DPYD: variants seen among roughly 807,000 people sequenced by gnomAD.
DPYD encodes the protein dihydropyrimidine dehydrogenase [NADP(+)].
DPYD carries 109 observed loss-of-function variants against 116.2 expected under a neutral mutation model. The observed-to-expected ratio is 0.94, with a 90% confidence interval of 0.80 to 1.10. DPYD has a LOEUF of 1.10. Among genes scored for constraint, DPYD ranks in the 50% least tolerant of loss-of-function variants. DPYD has a pLI of 0.00. For missense variants in DPYD, 1,302 were observed against 1,254.5 expected (o/e 1.04, Z -0.57); for synonymous variants, 440 against 432.0 (o/e 1.02, Z -0.23).
chr1:97,349,560 T>A (rs1158560636), intron 16 of DPYD, among the ~76,000 whole-genome samples: 1 of 152,098 alleles, frequency 6.6e-6, no homozygotes, highest in Non-Finnish European at 1.5e-5. Flanking sequence ...TGTGTTCTCA[T>A]TGTTCAATTC....
intron 12 of DPYD, among the ~76,000 whole-genome samples, chr1:97,529,910 TTTC>T (rs962585578): frequency 2.7e-5 from 4 of 150,856 alleles, no homozygotes; most frequent in Non-Finnish European, 4.4e-5. Context: ...CCTTCCTTCT[TTTC>T]TTTTCTTTCT....
chr1:97,087,463 G>C (rs1179875008), intron 21 of DPYD, among the ~76,000 whole-genome samples: 1 of 152,180 alleles, frequency 6.6e-6, no homozygotes, highest in African/African-American at 2.4e-5. Context: ...TGAAGTATTA[G>C]ATTGGCCGGC....
intron 8 of DPYD, among the ~76,000 whole-genome samples, chr1:97,669,333 T>C (rs1366542183): frequency 6.6e-6 from 1 of 152,188 alleles, no homozygotes; most frequent in African/African-American, 2.4e-5. Context: ...TTGTAATCAT[T>C]CTTGCAGTAT....
chr1:97,362,661 C>T (rs1196449882), intron 16 of DPYD, among the ~76,000 whole-genome samples: 1 of 152,082 alleles, frequency 6.6e-6, no homozygotes, highest in Non-Finnish European at 1.5e-5. Context: ...CATCTACAAC[C>T]ATCTGATCTT....
chr1:97,694,264 G>C (rs538330678), intron 6 of DPYD, among the ~76,000 whole-genome samples: 8 of 152,316 alleles, frequency 5.3e-5, no homozygotes, highest in Non-Finnish European at 1.2e-4. Flanking sequence ...AAGTAGGTAG[G>C]GGGTAGGTGG....
At position 97,206,145 on chromosome 1, in the gene DPYD, C is replaced by T. The variant is rs151039613; in HGVS notation, c.2443-12897G>A. ...GCTTCCATGTCTTCTCCAGACACTC[C>T]TCCAAGGGTCTTTCAGCCTAAAAAA... is the stretch of plus-strand genomic sequence containing the variant. On this transcript the variant is annotated intron_variant, in intron 19 of 22. Coordinates refer to ENST00000370192, the MANE Select transcript of DPYD (RefSeq NM_000110.4). Among the ~76,000 whole-genome samples, 224 of 151,862 alleles carry T rather than the reference C, an allele frequency of 1.5e-3. 1 individual carries two copies. Among genetic ancestry groups the T allele is most frequent in the African/African-American group, 5.0e-3 (208 of 41,434 alleles).
At chr1:97,197,472 T>C (rs895009515) in intron 19 of DPYD, among the ~76,000 whole-genome samples, 1 of 152,186 alleles carries the variant, frequency 6.6e-6, no homozygotes, top group Non-Finnish European at 1.5e-5. Flanking sequence ...GGGATTTTCA[T>C]GATTATTGTA....
intron 13 of DPYD, among the ~76,000 whole-genome samples, chr1:97,476,560 G>A (rs1677972567): frequency 6.6e-6 from 1 of 152,106 alleles, no homozygotes; most frequent in Non-Finnish European, 1.5e-5. Context: ...TTTGTGAACT[G>A]TTAGTAGAAT....
chr1:97,164,316 T>A (rs2101751847), intron 20 of DPYD, among the ~76,000 whole-genome samples: 1 of 152,152 alleles, frequency 6.6e-6, no homozygotes, highest in Non-Finnish European at 1.5e-5. Context: ...CCACAGCCAA[T>A]ATCATACTGA....
chr1:97,337,338 C>T (rs1324121637), intron 16 of DPYD, among the ~76,000 whole-genome samples: 3 of 152,160 alleles, frequency 2.0e-5, no homozygotes, highest in East Asian at 3.9e-4. Context: ...CGAGCAGAAA[C>T]AAATATTCCC....
At chr1:97,754,761 G>C (rs756089422) in intron 3 of DPYD, among the ~76,000 whole-genome samples, 5 of 152,184 alleles carry the variant, frequency 3.3e-5, no homozygotes, top group African/African-American at 4.8e-5. Context: ...CTCAGATTAT[G>C]TACAGGTGGG....
At chr1:97,725,218 A>T (rs1663177782) in intron 4 of DPYD, among the ~76,000 whole-genome samples, 1 of 151,674 alleles carries the variant, frequency 6.6e-6, no homozygotes, top group African/African-American at 2.4e-5. Context: ...CAAACAAAAT[A>T]AATTATTCAG....
chr1:97,586,826 G>A (rs1334199113), intron 10 of DPYD, among the ~76,000 whole-genome samples: 1 of 151,466 alleles, frequency 6.6e-6, no homozygotes, highest in Non-Finnish European at 1.5e-5. Flanking sequence ...TCACCAATTG[G>A]CTGGGGATAC....
At chr1:97,307,806 C>T (rs1667261253) in intron 16 of DPYD, among the ~76,000 whole-genome samples, 1 of 151,918 alleles carries the variant, frequency 6.6e-6, no homozygotes, top group South Asian at 2.1e-4. Flanking sequence ...TTTATAACCA[C>T]TGCATTGGTA....
intron 13 of DPYD, among the ~76,000 whole-genome samples, chr1:97,499,210 T>C (rs1679440477): frequency 6.6e-6 from 1 of 151,732 alleles, no homozygotes; most frequent in Non-Finnish European, 1.5e-5. Flanking sequence ...TTTCTGTTTG[T>C]TTAGCCTTGT....
chr1:97,914,326 GA>G (rs1010301743), intron 1 of DPYD, among the ~76,000 whole-genome samples: 1 of 151,936 alleles, frequency 6.6e-6, no homozygotes, highest in Non-Finnish European at 1.5e-5. Context: ...TAAAAGTTTA[GA>G]AAAAAATTGT....
At chr1:97,218,437 C>T (rs1366748814) in intron 19 of DPYD, among the ~76,000 whole-genome samples, 1 of 151,938 alleles carries the variant, frequency 6.6e-6, no homozygotes, top group East Asian at 1.9e-4. Context: ...ATAAGAGCTA[C>T]CCATCCGCCT....
chr1:97,635,283 A>G (rs1486779864), intron 8 of DPYD, among the ~76,000 whole-genome samples: 1 of 152,080 alleles, frequency 6.6e-6, no homozygotes, highest in Non-Finnish European at 1.5e-5. Flanking sequence ...TGGGAATTCC[A>G]TTCCCAAAAG....
chr1:97,142,430 C>T (rs1054621744), intron 20 of DPYD, among the ~76,000 whole-genome samples: 3 of 151,976 alleles, frequency 2.0e-5, no homozygotes, highest in Non-Finnish European at 2.9e-5. Flanking sequence ...TAAATACATG[C>T]GAATCTCTCT....
Sources: allele counts gnomAD v4.1 joint callset (sites outside exome capture counted in the v4.1 genomes callset), GRCh38; gene constraint gnomAD v4.1.1; transcripts MANE v1.5; gene names NCBI Gene and HGNC (gene_info 2026-07-23, HGNC 2026-07-21).